The following IRGM variants were observed in gnomAD, a reference collection of about 807,000 sequenced individuals.
IRGM encodes the protein immunity related GTPase M.
For synonymous variants in IRGM, 98 were observed against 80.6 expected, an observed-to-expected ratio of 1.22 and a Z score of -1.16; for missense variants, 288 against 219.9, an observed-to-expected ratio of 1.31 and a Z score of -1.96.
At chr5:150,871,818 A>G (rs12656538) in intron 1 of IRGM, among the ~76,000 whole-genome samples, 16,343 of 152,232 alleles carry the variant, frequency 0.11, 1,154 homozygotes, top group East Asian at 0.39. Flanking sequence ...AAAACATCAC[A>G]TTGTCTAACC....
chr5:150,887,037 A>C (rs1185667095), intron 3 of IRGM, among the ~76,000 whole-genome samples: 1 of 151,984 alleles, frequency 6.6e-6, no homozygotes, highest in Admixed American at 6.6e-5. Flanking sequence ...TGATGTGGGC[A>C]TTTAGTGCTA....
chr5:150,849,047 A>G (rs147993098), downstream of IRGM, among the ~76,000 whole-genome samples: 211 of 152,196 alleles, frequency 1.4e-3, no homozygotes, highest in African/African-American at 4.8e-3. Flanking sequence ...ACCCCACGGT[A>G]TAACCTCAAG....
At chr5:150,899,776 TTAAC>T (rs1164286062) in intron 3 of IRGM, among the ~76,000 whole-genome samples, 5 of 152,180 alleles carry the variant, frequency 3.3e-5, no homozygotes, top group South Asian at 2.1e-4. Flanking sequence ...ACAATAGTTG[TTAAC>T]TAATAGCAGA....
chr5:150,876,589 G>T (rs1243064831), intron 1 of IRGM, among the ~76,000 whole-genome samples: 2 of 152,226 alleles, frequency 1.3e-5, no homozygotes, highest in Non-Finnish European at 2.9e-5. Flanking sequence ...CTAAGGAAGA[G>T]TATGTGTGGA....
intron 3 of IRGM, among the ~76,000 whole-genome samples, chr5:150,889,882 A>G (rs1337450610): frequency 1.3e-5 from 2 of 152,024 alleles, no homozygotes; most frequent in Non-Finnish European, 2.9e-5. Context: ...GAGAAAACCT[A>G]CTTGGGTCTT....
intron 1 of IRGM, among the ~76,000 whole-genome samples, chr5:150,853,979 T>C (rs569751021): frequency 2.4e-4 from 37 of 152,248 alleles, no homozygotes; most frequent in African/African-American, 8.4e-4. Flanking sequence ...CTTTGTCTTA[T>C]AGCTTTTTTT....
At chr5:150,869,134 T>C (rs1754246756) in intron 1 of IRGM, among the ~76,000 whole-genome samples, 1 of 152,196 alleles carries the variant, frequency 6.6e-6, no homozygotes, top group South Asian at 2.1e-4. Context: ...CATAGATGGC[T>C]TTTATTACCT....
intron 3 of IRGM, among the ~76,000 whole-genome samples, chr5:150,883,016 C>T (rs190584077): frequency 6.6e-6 from 1 of 152,034 alleles, no homozygotes; most frequent in Admixed American, 6.6e-5. Context: ...TTTCAATTAT[C>T]TTTTCCAGCC....
chr5:150,892,282 C>G, intron 3 of IRGM, among the ~76,000 whole-genome samples: 1 of 148,106 alleles, frequency 6.8e-6, no homozygotes, highest in East Asian at 2.0e-4. Flanking sequence ...TATCATGAAC[C>G]AATTCAGAAA....
At chr5:150,863,544 A>G (rs1379989148) in intron 1 of IRGM, among the ~76,000 whole-genome samples, 2 of 152,228 alleles carry the variant, frequency 1.3e-5, no homozygotes, top group Non-Finnish European at 2.9e-5. Flanking sequence ...ATGTAAATAT[A>G]TGAGGTTATA....
chr5:150,866,521 G>A (rs2113271816), intron 1 of IRGM, among the ~76,000 whole-genome samples: 1 of 152,140 alleles, frequency 6.6e-6, no homozygotes, highest in African/African-American at 2.4e-5. Context: ...TTTTGAAGAT[G>A]GTACAACCCA....
intron 1 of IRGM, among the ~76,000 whole-genome samples, chr5:150,859,145 G>T (rs959440606): frequency 1.3e-5 from 2 of 152,182 alleles, no homozygotes; most frequent in African/African-American, 4.8e-5. Context: ...AAGCGTTGTT[G>T]AATTTTGTCA....
chr5:150,897,922 C>T (rs549920295), intron 3 of IRGM: 1 of 966,102 alleles, frequency 1.0e-6, no homozygotes, highest in East Asian at 2.5e-5. Context: ...TAGAACTCCT[C>T]TGAAAGGCTT....
chr5:150,858,802 C>A (rs2113261231), intron 1 of IRGM, among the ~76,000 whole-genome samples: 1 of 152,262 alleles, frequency 6.6e-6, no homozygotes, highest in African/African-American at 2.4e-5. Context: ...GCTGAAGTTG[C>A]TTATCAGCTT....
At chr5:150,852,687 T>C (rs148569316), downstream of IRGM, among the ~76,000 whole-genome samples, 2 of 152,224 alleles carry the variant, frequency 1.3e-5, no homozygotes, top group African/African-American at 4.8e-5. Flanking sequence ...CTGCAGAGAA[T>C]GGAAAAGGCC....
At chr5:150,854,892 TTC>T (rs1039883572) in intron 1 of IRGM, among the ~76,000 whole-genome samples, 7 of 152,184 alleles carry the variant, frequency 4.6e-5, no homozygotes, top group African/African-American at 1.7e-4. Flanking sequence ...TGCCCCTTTC[TTC>T]TCTTTCTCAA....
intron 3 of IRGM, among the ~76,000 whole-genome samples, chr5:150,886,653 C>A (rs1202007624): frequency 6.6e-6 from 1 of 151,874 alleles, no homozygotes; most frequent in Non-Finnish European, 1.5e-5. Flanking sequence ...TAGGAATTTA[C>A]CCATCTCTTC....
At chr5:150,875,987 A>G (rs1183830836) in intron 1 of IRGM, among the ~76,000 whole-genome samples, 3 of 152,186 alleles carry the variant, frequency 2.0e-5, no homozygotes, top group African/African-American at 7.2e-5. Context: ...AGAATGCCTT[A>G]TCCACCATCC....
intron 1 of IRGM, among the ~76,000 whole-genome samples, chr5:150,870,430 C>T (rs950219279): frequency 4.6e-5 from 7 of 151,906 alleles, no homozygotes; most frequent in Admixed American, 1.3e-4. Flanking sequence ...TTTGCTGAGG[C>T]CTGGAAGCAC....
Sources: gnomAD v4.1 joint callset for allele counts (sites outside exome capture counted in the v4.1 genomes callset) on GRCh38, gnomAD v4.1.1 for gene constraint, MANE v1.5 for transcripts, NCBI Gene and HGNC (gene_info 2026-07-23, HGNC 2026-07-21) for gene names.